ZMAT4: variants seen among roughly 807,000 people sequenced by gnomAD.
ZMAT4 encodes zinc finger matrin-type 4, also known as zinc finger matrin-type protein 4.
In ZMAT4, 17 loss-of-function variants were observed where a neutral mutation model predicts 28.7. The observed-to-expected ratio is 0.59, with a 90% CI of 0.41 to 0.89. The LOEUF (loss-of-function observed/expected upper bound fraction) is 0.89. Ranked by LOEUF, ZMAT4 falls within the 40% of genes least tolerant of loss-of-function variation. The probability of loss-of-function intolerance (pLI) is 0.00; values close to 1 mark genes in which losing one functional copy is unlikely to be tolerated. For missense variants in ZMAT4, 240 were observed against 283.8 expected (o/e 0.85, Z 1.11); for synonymous variants, 117 against 109.2 (o/e 1.07, Z -0.44).
chr8:40,565,484 C>T (rs1360537213), intron 6 of ZMAT4, among the ~76,000 whole-genome samples: 1 of 148,114 alleles, frequency 6.8e-6, no homozygotes, highest in Non-Finnish European at 1.5e-5. Context: ...TCAAGCAATT[C>T]TCCTGCCTAA....
chr8:40,834,864 G>C (rs778667525), intron 1 of ZMAT4, among the ~76,000 whole-genome samples: 1 of 152,190 alleles, frequency 6.6e-6, no homozygotes, highest in South Asian at 2.1e-4. Context: ...GGGACTAGCA[G>C]AGACTCTGCA....
chr8:40,587,806 A>C (rs1466383681), intron 5 of ZMAT4, among the ~76,000 whole-genome samples: 1 of 152,102 alleles, frequency 6.6e-6, no homozygotes, highest in Non-Finnish European at 1.5e-5. Context: ...TTAAATAGTC[A>C]AAAGGCCAAA....
intron 4 of ZMAT4, among the ~76,000 whole-genome samples, chr8:40,690,050 C>CA (rs1251606320): frequency 6.6e-6 from 1 of 152,044 alleles, no homozygotes; most frequent in African/African-American, 2.4e-5. Flanking sequence ...AACTATAAAA[C>CA]AAAAAACACA....
intron 1 of ZMAT4, among the ~76,000 whole-genome samples, chr8:40,850,778 G>A (rs1274435753): frequency 6.6e-6 from 1 of 152,076 alleles, no homozygotes. Flanking sequence ...TTACAGTCCG[G>A]CAGTTACACA....
chr8:40,814,840 AT>A (rs143065372), intron 2 of ZMAT4, among the ~76,000 whole-genome samples: 39,789 of 152,262 alleles, frequency 0.26, 6,114 homozygotes, highest in Middle Eastern at 0.4. Context: ...CTGCAAAAAA[AT>A]GAATGAATAA....
chr8:40,653,515 A>T (rs1807780024), intron 5 of ZMAT4, among the ~76,000 whole-genome samples: 1 of 152,120 alleles, frequency 6.6e-6, no homozygotes, highest in African/African-American at 2.4e-5. Context: ...TATCTAGCTA[A>T]ATTGACAAGA....
chr8:40,840,114 C>G (rs377309264), intron 1 of ZMAT4, among the ~76,000 whole-genome samples: 1 of 152,270 alleles, frequency 6.6e-6, no homozygotes, highest in Admixed American at 6.5e-5. Context: ...GCTGAGGTGC[C>G]CTTTCAAGGA....
At chr8:40,897,113 T>C (rs1818904278) in intron 1 of ZMAT4, among the ~76,000 whole-genome samples, 1 of 151,856 alleles carries the variant, frequency 6.6e-6, no homozygotes, top group Non-Finnish European at 1.5e-5. Context: ...GCCCACCAGG[T>C]CAAACAGAAT....
intron 5 of ZMAT4, among the ~76,000 whole-genome samples, chr8:40,666,958 AT>A (rs1585846726): frequency 6.6e-6 from 1 of 152,126 alleles, no homozygotes; most frequent in East Asian, 1.9e-4. Context: ...ATTTACTATT[AT>A]AAAATACACA....
intron 2 of ZMAT4, among the ~76,000 whole-genome samples, chr8:40,817,769 C>T (rs1815602374): frequency 6.6e-6 from 1 of 152,168 alleles, no homozygotes; most frequent in African/African-American, 2.4e-5. Flanking sequence ...AACTTGAGGT[C>T]ACTCCTGTTA....
intron 4 of ZMAT4, among the ~76,000 whole-genome samples, chr8:40,679,530 C>T (rs1049451363): frequency 6.6e-6 from 1 of 152,062 alleles, no homozygotes; most frequent in African/African-American, 2.4e-5. Context: ...AGGAGAAATG[C>T]CAAGCAAAGG....
At chr8:40,803,889 C>G (rs940191784) in intron 2 of ZMAT4, among the ~76,000 whole-genome samples, 16 of 152,120 alleles carry the variant, frequency 1.1e-4, no homozygotes, top group Non-Finnish European at 7.4e-5. Context: ...GACTATTATT[C>G]ATCACTAAAA....
intron 3 of ZMAT4, among the ~76,000 whole-genome samples, chr8:40,714,978 G>T (rs1810782350): frequency 6.8e-6 from 1 of 146,532 alleles, no homozygotes; most frequent in South Asian, 2.1e-4. Flanking sequence ...GAACTCAGGA[G>T]TCGGAGGTTG....
intron 5 of ZMAT4, among the ~76,000 whole-genome samples, chr8:40,595,374 G>A (rs1269864096): frequency 2.0e-5 from 3 of 152,002 alleles, no homozygotes; most frequent in Admixed American, 6.5e-5. Flanking sequence ...ATATATATAT[G>A]TGTGTATATA....
intron 1 of ZMAT4, among the ~76,000 whole-genome samples, chr8:40,885,256 C>A (rs183928742): frequency 1.5e-4 from 23 of 152,284 alleles, no homozygotes; most frequent in Admixed American, 1.1e-3. Flanking sequence ...CCATCTCAGG[C>A]CAAAAGCCTT....
At chr8:40,629,921 C>T (rs1806513764) in intron 5 of ZMAT4, among the ~76,000 whole-genome samples, 2 of 152,076 alleles carry the variant, frequency 1.3e-5, no homozygotes, top group South Asian at 4.1e-4. Context: ...GGTATATATC[C>T]AGTAATGGGA....
At chr8:40,571,333 T>C (rs1804090716) in intron 6 of ZMAT4, among the ~76,000 whole-genome samples, 1 of 152,098 alleles carries the variant, frequency 6.6e-6, no homozygotes, top group South Asian at 2.1e-4. Flanking sequence ...TAAAATTGCC[T>C]ATGTATTAGT....
chr8:40,842,856 A>G (rs1406110707), intron 1 of ZMAT4, among the ~76,000 whole-genome samples: 24 of 152,108 alleles, frequency 1.6e-4, no homozygotes, highest in Admixed American at 1.5e-3. Context: ...GCTTACTGCA[A>G]TCTCCGCCCC....
At chr8:40,844,657 C>CTG (rs71224857) in intron 1 of ZMAT4, among the ~76,000 whole-genome samples, 22,763 of 142,246 alleles carry the variant, frequency 0.16, 1,871 homozygotes, top group East Asian at 0.32. Flanking sequence ...CTCTCTCATT[C>CTG]TGTGTGTGTG....
Sources: allele counts gnomAD v4.1 joint callset (sites outside exome capture counted in the v4.1 genomes callset), GRCh38; gene constraint gnomAD v4.1.1; transcripts MANE v1.5; gene names NCBI Gene and HGNC (gene_info 2026-07-23, HGNC 2026-07-21).